The following ANK2 variants were observed in gnomAD, a reference collection of about 807,000 sequenced individuals.
ANK2 encodes ankyrin 2, also known as ankyrin-2.
A neutral mutation model predicts 360.5 loss-of-function variants in ANK2; 83 were observed. The observed-to-expected ratio is 0.23, with a 90% CI of 0.19 to 0.28. The LOEUF is 0.28. ANK2 is among the 10% of genes least tolerant of loss of function. The pLI is 1.00. For missense variants in ANK2, 4,201 were observed against 4,795.7 expected, an observed-to-expected ratio of 0.88 and a Z score of 3.66; for synonymous variants, 1,740 against 1,759.5, an observed-to-expected ratio of 0.99 and a Z score of 0.28.
chr4:112,906,458 G>A (rs189502656), intron 2 of ANK2, among the ~76,000 whole-genome samples: 325 of 152,300 alleles, frequency 2.1e-3, no homozygotes, highest in Non-Finnish European at 4.1e-3. Context: ...TGGGATGAGA[G>A]AGTCTTGAAC....
intron 2 of ANK2, among the ~76,000 whole-genome samples, chr4:112,973,590 G>A (rs781574917): frequency 1.3e-5 from 2 of 152,182 alleles, no homozygotes; most frequent in Non-Finnish European, 2.9e-5. Flanking sequence ...TTTCTCAGAT[G>A]CTATCCTCTG....
At chr4:112,930,829 A>G (rs1424639392) in intron 2 of ANK2, among the ~76,000 whole-genome samples, 2 of 147,528 alleles carry the variant, frequency 1.4e-5, no homozygotes. Flanking sequence ...CGGAGGTTGC[A>G]GTGAGCCGAG....
chr4:112,958,476 C>A (rs939292221), intron 2 of ANK2, among the ~76,000 whole-genome samples: 2 of 152,066 alleles, frequency 1.3e-5, no homozygotes, highest in East Asian at 3.9e-4. Context: ...CGCCTGCAAT[C>A]GCAGGCACTC....
At chr4:112,733,963 C>T in the ANK2 span, among the ~76,000 whole-genome samples, 7 of 152,214 alleles carry the variant, frequency 4.6e-5, no homozygotes, top group East Asian at 1.2e-3. Flanking sequence ...TTAGTAGAGA[C>T]GGGGTTTCAC....
At chr4:113,216,796 A>G (rs2099089934) in intron 4 of ANK2, among the ~76,000 whole-genome samples, 1 of 152,114 alleles carries the variant, frequency 6.6e-6, no homozygotes, top group Non-Finnish European at 1.5e-5. Flanking sequence ...GAGGAGCAAC[A>G]CCTTCCCTTA....
intron 1 of ANK2, among the ~76,000 whole-genome samples, chr4:112,876,060 C>T (rs767950596): frequency 4.0e-5 from 6 of 151,320 alleles, no homozygotes; most frequent in Non-Finnish European, 8.8e-5. Context: ...TGGTATATTT[C>T]GGATTTTTTT....
chr4:112,742,396 A>ATGTGTGTGTG, the ANK2 span, among the ~76,000 whole-genome samples: 1 of 149,758 alleles, frequency 6.7e-6, no homozygotes, highest in East Asian at 2.0e-4. Context: ...ACTGAATTCT[A>ATGTGTGTGTG]TGTGTGTGTG....
chr4:113,380,776 G>A (rs959709154), intron 45 of ANK2, among the ~76,000 whole-genome samples: 4 of 152,202 alleles, frequency 2.6e-5, no homozygotes, highest in Non-Finnish European at 4.4e-5. Context: ...CATATGTGAG[G>A]CTTGGAGAAT....
At chr4:113,221,522 G>T (rs2099151319) in intron 4 of ANK2, among the ~76,000 whole-genome samples, 1 of 152,034 alleles carries the variant, frequency 6.6e-6, no homozygotes, top group Non-Finnish European at 1.5e-5. Flanking sequence ...TAGCAGGCAT[G>T]GTGGCACAGG....
intron 1 of ANK2, among the ~76,000 whole-genome samples, chr4:113,128,907 C>A (rs1277859594): frequency 6.6e-6 from 1 of 152,182 alleles, no homozygotes; most frequent in Non-Finnish European, 1.5e-5. Context: ...AAGGATACTT[C>A]AGTAGCAATG....
chr4:112,985,816 A>G (rs1445797919), intron 2 of ANK2, among the ~76,000 whole-genome samples: 2 of 151,864 alleles, frequency 1.3e-5, no homozygotes, highest in Non-Finnish European at 2.9e-5. Context: ...GTGGCAATGG[A>G]CTTTGGGGAC....
At chr4:113,359,963 TTTAAG>T (rs1302746093) in intron 38 of ANK2, among the ~76,000 whole-genome samples, 1 of 152,168 alleles carries the variant, frequency 6.6e-6, no homozygotes, top group East Asian at 1.9e-4. Context: ...CTTTGCACAG[TTTAAG>T]TTGACTGTGA....
At chr4:113,148,110 T>C (rs2096903225) in intron 1 of ANK2, among the ~76,000 whole-genome samples, 1 of 152,200 alleles carries the variant, frequency 6.6e-6, no homozygotes, top group Non-Finnish European at 1.5e-5. Context: ...AGGGTCCAAG[T>C]AGGCTCCAGA....
At chr4:112,986,173 T>G (rs1005223096) in intron 2 of ANK2, among the ~76,000 whole-genome samples, 1 of 150,972 alleles carries the variant, frequency 6.6e-6, no homozygotes, top group East Asian at 1.9e-4. Flanking sequence ...TCAGTTTAAC[T>G]CTCTAGTTTT....
At chr4:113,108,123 G>A (rs574237811) in intron 1 of ANK2, among the ~76,000 whole-genome samples, 51 of 151,998 alleles carry the variant, frequency 3.4e-4, no homozygotes, top group Non-Finnish European at 5.7e-4. Context: ...TCCAGAATTT[G>A]GGGTTTAGCT....
chr4:112,896,155 G>T (rs1228993113), intron 1 of ANK2, among the ~76,000 whole-genome samples: 1 of 152,230 alleles, frequency 6.6e-6, no homozygotes, highest in African/African-American at 2.4e-5. Flanking sequence ...TTGGAGCAAA[G>T]CTCTGACTTA....
At chr4:113,015,647 C>G (rs972617189) in intron 2 of ANK2, among the ~76,000 whole-genome samples, 1 of 152,174 alleles carries the variant, frequency 6.6e-6, no homozygotes, top group Admixed American at 6.5e-5. Flanking sequence ...TCCATGCAAA[C>G]TTCGTGGTCT....
chr4:113,125,480 T>C (rs72892028), intron 1 of ANK2, among the ~76,000 whole-genome samples: 1,688 of 152,232 alleles, frequency 0.011, 29 homozygotes, highest in African/African-American at 0.036. Context: ...ATAAAGTATA[T>C]TTATACAAAA....
chr4:113,317,838 G>C (rs2153836627), intron 25 of ANK2, 29 bp downstream of exon 25: 1 of 1,555,458 alleles, frequency 6.4e-7, no homozygotes. Context: ...TCATGTCTTT[G>C]CTTTCTGGAG....
Sources: allele counts gnomAD v4.1 joint callset (sites outside exome capture counted in the v4.1 genomes callset), GRCh38; gene constraint gnomAD v4.1.1; transcripts MANE v1.5; gene names NCBI Gene and HGNC (gene_info 2026-07-23, HGNC 2026-07-21).